Variants in MCM5 observed in about 807,000 individuals in gnomAD.
MCM5 encodes DNA replication licensing factor MCM5.
MCM5 carries 46 observed loss-of-function variants against 79.9 expected under a neutral mutation model. The observed-to-expected ratio is 0.58, with a 90% confidence interval of 0.45 to 0.74. MCM5 has a LOEUF of 0.74. Ranked by LOEUF, MCM5 falls within the 30% of genes least tolerant of loss-of-function variation. The pLI is 0.00. For missense variants in MCM5, 883 were observed against 1,017.0 expected (o/e 0.87, Z 1.79); for synonymous variants, 404 against 390.5 (o/e 1.03, Z -0.41).
chr22:35,454,038 GAGACAGACAGAGATAGAGATGAA>G, the MCM5 span, among the ~76,000 whole-genome samples: 1 of 151,994 alleles, frequency 6.6e-6, no homozygotes, highest in Non-Finnish European at 1.5e-5. Context: ...ATCAGAGACA[GAGACAGACAGAGATAGAGATGAA>G]AGACAGACAG....
chr22:35,424,338 C>A lies in MCM5; in HGVS notation c.*83C>A. On this transcript the variant is annotated 3_prime_UTR_variant, in exon 17 of 17. Coordinates refer to ENST00000216122, the MANE Select transcript of MCM5 (RefSeq NM_006739.4). ...CCTGCCATTGACAATGTTGCTGGGACCTCTGCCTCCCCACTGCAGCCCTCG... is the reference window on the plus strand; with the variant it reads ...CCTGCCATTGACAATGTTGCTGGGAACTCTGCCTCCCCACTGCAGCCCTCG... The A allele has an allele frequency of 1.0e-6, 1 of 996,442 alleles. No individual in the cohort carries two copies. Among genetic ancestry groups the A allele is most frequent in the Non-Finnish European group, 1.5e-6 (1 of 674,182 alleles). 61.7% of individuals were successfully genotyped at this position (996,442 alleles called of 1,614,324 possible). A position where few individuals can be genotyped will look rare whatever the true frequency, so the allele number is the denominator to read the frequency against.
intron 14 of MCM5, among the ~76,000 whole-genome samples, 154 bp downstream of exon 14, chr22:35,420,166 G>C (rs1932658951): frequency 6.6e-6 from 1 of 152,230 alleles, no homozygotes; most frequent in African/African-American, 2.4e-5. Flanking sequence ...CATAAACTAT[G>C]GCCTCCTTGA....
At chr22:35,425,570 G>T (rs545605066), downstream of MCM5, 1 of 152,054 alleles carries the variant, frequency 6.6e-6, no homozygotes, top group African/African-American at 2.4e-5. Context: ...ACTCACTCCC[G>T]TTCAAAGCTC....
At chr22:35,406,355 T>C (rs904252659) in intron 4 of MCM5, among the ~76,000 whole-genome samples, 198 bp from the exon 5 acceptor site, 15 of 139,086 alleles carry the variant, frequency 1.1e-4, no homozygotes, top group Non-Finnish European at 2.1e-4. Context: ...CTGAGGCTCC[T>C]CTGAACCCCA....
chr22:35,445,010 G>C, the MCM5 span, among the ~76,000 whole-genome samples: 10 of 152,218 alleles, frequency 6.6e-5, no homozygotes, highest in African/African-American at 2.4e-4. Flanking sequence ...ACCTGCTTCT[G>C]GCCAATGAGA....
intron 2 of MCM5, chr22:35,401,519 C>G (rs576160710): frequency 8.6e-6 from 4 of 466,444 alleles, no homozygotes; most frequent in Non-Finnish European, 1.8e-5. Context: ...CGGCCTCTAT[C>G]CCTGAAATGT....
chr22:35,401,513 C>T (rs1165000152), intron 2 of MCM5: 3 of 467,288 alleles, frequency 6.4e-6, no homozygotes, highest in Admixed American at 2.4e-5. Context: ...TAGGCCCGGC[C>T]TCTATCCCTG....
At chr22:35,418,945 G>C (rs1337568747) in intron 13 of MCM5, among the ~76,000 whole-genome samples, 3 of 152,194 alleles carry the variant, frequency 2.0e-5, no homozygotes, top group African/African-American at 4.8e-5. Flanking sequence ...CAGAGGCTGT[G>C]CTCTTAACCA....
At chr22:35,450,330 G>GC in the MCM5 span, among the ~76,000 whole-genome samples, 103,017 of 145,930 alleles carry the variant, frequency 0.71, 35,929 homozygotes, top group Middle Eastern at 0.77. Context: ...AAGGAAAACT[G>GC]CCCCCGGGAC....
At chr22:35,442,629 C>T in the MCM5 span, among the ~76,000 whole-genome samples, 2 of 152,218 alleles carry the variant, frequency 1.3e-5, no homozygotes, top group Non-Finnish European at 2.9e-5. Context: ...CGATTCCCTC[C>T]CACCCTCTGG....
Position 35,424,808 on chromosome 22 carries a change from G to C in MCM5, c.*553G>C, listed in dbSNP as rs1308152994. On this transcript the variant is annotated 3_prime_UTR_variant, in exon 17 of 17. Transcript: ENST00000216122. Reference sequence around the variant, plus strand: ...GTAACTTATTGGGGGGCTGCGAGCCGTGGTGCGGCGGTCAGACTGCCTGGA... The same window carrying C: ...GTAACTTATTGGGGGGCTGCGAGCCCTGGTGCGGCGGTCAGACTGCCTGGA... 1 of 152,336 alleles carries C rather than the reference G, an allele frequency of 6.6e-6. No individual in the cohort carries two copies. Among genetic ancestry groups the C allele is most frequent in the East Asian group, 1.9e-4 (1 of 5,198 alleles). The allele number at this position is 152,336 out of a possible 1,614,324, so 9.4% of individuals were successfully genotyped here.
downstream of MCM5, among the ~76,000 whole-genome samples, chr22:35,426,104 G>A (rs375567790): frequency 2.0e-5 from 3 of 152,156 alleles, no homozygotes; most frequent in Non-Finnish European, 4.4e-5. Flanking sequence ...GTTCCCAGGG[G>A]TAGGTGGCCT....
At chr22:35,425,937 C>A (rs1932776708), downstream of MCM5, among the ~76,000 whole-genome samples, 2 of 152,124 alleles carry the variant, frequency 1.3e-5, no homozygotes, top group African/African-American at 4.8e-5. Context: ...GGGCAGGCTT[C>A]AAACCTGGTG....
intron 14 of MCM5, among the ~76,000 whole-genome samples, 156 bp downstream of exon 14, chr22:35,420,168 C>T (rs1932659033): frequency 6.6e-6 from 1 of 152,200 alleles, no homozygotes; most frequent in Non-Finnish European, 1.5e-5. Context: ...TAAACTATGG[C>T]CTCCTTGATC....
intron 14 of MCM5, 118 bp downstream of exon 14, chr22:35,420,130 T>A: frequency 8.1e-7 from 1 of 1,240,076 alleles, no homozygotes; most frequent in Non-Finnish European, 1.1e-6. Context: ...CCATAGTAGC[T>A]CTGGGCAGGA....
At chr22:35,408,054 T>A (rs904473390) in intron 5 of MCM5, among the ~76,000 whole-genome samples, 1 of 152,194 alleles carries the variant, frequency 6.6e-6, no homozygotes, top group African/African-American at 2.4e-5. Flanking sequence ...GAAAAGATCT[T>A]GGGATTTGAG....
At chr22:35,418,833 C>G (rs1049017367) in intron 13 of MCM5, among the ~76,000 whole-genome samples, 11 of 152,122 alleles carry the variant, frequency 7.2e-5, no homozygotes, top group African/African-American at 2.7e-4. Context: ...TATTCCCTTC[C>G]CTTTATGGAT....
chr22:35,435,421 C>T, the MCM5 span, among the ~76,000 whole-genome samples: 1 of 152,154 alleles, frequency 6.6e-6, no homozygotes, highest in African/African-American at 2.4e-5. Context: ...AGAGGCTCCT[C>T]CTGGTGCTGG....
intron 2 of MCM5, 35 bp from the exon 3 acceptor site, chr22:35,403,172 C>T (rs1398614377): frequency 1.2e-6 from 2 of 1,609,684 alleles, no homozygotes; most frequent in Admixed American, 3.3e-5. Context: ...TTCTTTGCAC[C>T]CTTCCTGCCC....
Sources: gnomAD v4.1 joint callset for allele counts (sites outside exome capture counted in the v4.1 genomes callset) on GRCh38, gnomAD v4.1.1 for gene constraint, MANE v1.5 for transcripts, NCBI Gene and HGNC (gene_info 2026-07-23, HGNC 2026-07-21) for gene names.